The following CACNA1A variants were observed in gnomAD, a reference collection of about 807,000 sequenced individuals.
CACNA1A encodes voltage-dependent P/Q-type calcium channel subunit alpha-1A.
In CACNA1A, 57 loss-of-function variants were observed where a neutral mutation model predicts 262.4. The ratio of observed to expected loss-of-function variants is 0.22; its 90% CI spans 0.18 to 0.27. The LOEUF (loss-of-function observed/expected upper bound fraction) is 0.27. Ranked by LOEUF, CACNA1A falls within the 10% of genes least tolerant of loss-of-function variation. The pLI, the probability that CACNA1A is intolerant of heterozygous loss-of-function variation, is 1.00. For missense variants in CACNA1A, 2,526 were observed against 3,562.8 expected (o/e 0.71, Z 7.41); for synonymous variants, 1,431 against 1,419.3 (o/e 1.01, Z -0.18).
intron 3 of CACNA1A, among the ~76,000 whole-genome samples, chr19:13,393,617 CCTTT>C (rs1456269625): frequency 2.5e-4 from 35 of 139,284 alleles, no homozygotes; most frequent in Admixed American, 7.2e-4. Flanking sequence ...TTCCTTCCTT[CCTTT>C]TTTTCTTTCT....
At chr19:13,309,594 G>A (rs2057976117) in intron 12 of CACNA1A, among the ~76,000 whole-genome samples, 2 of 152,034 alleles carry the variant, frequency 1.3e-5, no homozygotes, top group Admixed American at 1.3e-4. Flanking sequence ...TTAGGAGGCT[G>A]AGGAGGGAGG....
intron 3 of CACNA1A, among the ~76,000 whole-genome samples, chr19:13,376,735 GAT>G (rs964226279): frequency 3.4e-5 from 5 of 145,348 alleles, no homozygotes; most frequent in South Asian, 2.1e-4. Flanking sequence ...TGTTATATAT[GAT>G]ATATATAACA....
intron 3 of CACNA1A, among the ~76,000 whole-genome samples, chr19:13,383,281 G>A (rs556093132): frequency 1.4e-4 from 21 of 152,208 alleles, no homozygotes; most frequent in Non-Finnish European, 2.8e-4. Context: ...TGGAAAGACT[G>A]AGTGTGGAGC....
intron 12 of CACNA1A, among the ~76,000 whole-genome samples, chr19:13,309,197 A>G (rs1014340664): frequency 6.6e-6 from 1 of 151,570 alleles, no homozygotes. Context: ...TTTAGTAGAG[A>G]CGGGGTTTCA....
intron 1 of CACNA1A, among the ~76,000 whole-genome samples, chr19:13,479,201 A>C (rs1978945315): frequency 6.6e-6 from 1 of 152,150 alleles, no homozygotes; most frequent in South Asian, 2.1e-4. Context: ...AAAACGAATA[A>C]AATCACCTTC....
intron 20 of CACNA1A, among the ~76,000 whole-genome samples, 162 bp from the exon 21 acceptor site, chr19:13,285,368 T>C (rs998685966): frequency 1.3e-5 from 2 of 152,130 alleles, no homozygotes; most frequent in African/African-American, 4.8e-5. Context: ...TGTATAGCCC[T>C]GAGGTTGATA....
At chr19:13,318,888 A>ATTTTTTTTTTTTTTTTTT (rs1600317762) in intron 10 of CACNA1A, among the ~76,000 whole-genome samples, 6 of 94,682 alleles carry the variant, frequency 6.3e-5, no homozygotes, top group African/African-American at 2.5e-4. Flanking sequence ...TCTAAAATAC[A>ATTTTTTTTTTTTTTTTTT]TCTTTTTTTT....
intron 1 of CACNA1A, among the ~76,000 whole-genome samples, chr19:13,494,502 A>C (rs1282919667): frequency 6.6e-6 from 1 of 152,202 alleles, no homozygotes; most frequent in African/African-American, 2.4e-5. Flanking sequence ...GGGCTGAGAC[A>C]GAATAGACAA....
At chr19:13,295,300 G>A (rs2057640598) in intron 19 of CACNA1A, among the ~76,000 whole-genome samples, 1 of 152,010 alleles carries the variant, frequency 6.6e-6, no homozygotes, top group Non-Finnish European at 1.5e-5. Context: ...ATGATTGAGG[G>A]GCACTGCAGG....
chr19:13,235,175 G>GACCA, intron 33 of CACNA1A, 34 bp downstream of exon 33: 1 of 1,604,762 alleles, frequency 6.2e-7, no homozygotes, highest in Non-Finnish European at 8.5e-7. Flanking sequence ...CCCTCCTTGG[G>GACCA]AGGCTCTGGG....
chr19:13,450,548 ACT>A (rs1272036649), intron 3 of CACNA1A: 1 of 151,878 alleles, frequency 6.6e-6, no homozygotes, highest in African/African-American at 2.4e-5. Context: ...CCATCAGTAG[ACT>A]CTCAGCTCCA....
At chr19:13,231,595 G>A in intron 35 of CACNA1A, 115 bp downstream of exon 35, 1 of 1,083,628 alleles carries the variant, frequency 9.2e-7, no homozygotes, top group Non-Finnish European at 1.3e-6. Flanking sequence ...CTGGTTCAGA[G>A]AAGCCTTGGA....
chr19:13,359,470 A>G, intron 6 of CACNA1A, 136 bp downstream of exon 6: 1 of 641,086 alleles, frequency 1.6e-6, no homozygotes, highest in East Asian at 2.8e-5. Context: ...GGCCAGCTTC[A>G]GTGGGGCTGT....
chr19:13,446,103 C>A (rs546580282), intron 3 of CACNA1A, among the ~76,000 whole-genome samples: 1 of 151,954 alleles, frequency 6.6e-6, no homozygotes, highest in African/African-American at 2.4e-5. Context: ...TGTGAAACCC[C>A]GTCTCTACTA....
intron 30 of CACNA1A, among the ~76,000 whole-genome samples, chr19:13,247,585 A>C (rs2144702123): frequency 6.6e-6 from 1 of 152,192 alleles, no homozygotes; most frequent in Non-Finnish European, 1.5e-5. Flanking sequence ...CTGTAGTCCC[A>C]GCTACTCCGG....
intron 2 of CACNA1A, among the ~76,000 whole-genome samples, chr19:13,454,671 C>A (rs543021902): frequency 1.3e-5 from 2 of 152,226 alleles, no homozygotes; most frequent in South Asian, 4.2e-4. Flanking sequence ...AGTGTCTGGC[C>A]AAGACATAAT....
chr19:13,214,603 C>A lies in CACNA1A; in HGVS notation c.5737G>T (p.Ala1913Ser). The part of the protein sequence containing the change: ...ALDIKIAKGG[A>S]DKQQMDAELR... ...TCAGCGTCCATCTGCTGTTTGTCGGCTCCTCCTGCAATGGGGGTGTAGACA... is the reference window on the plus strand; with the variant it reads ...TCAGCGTCCATCTGCTGTTTGTCGGATCCTCCTGCAATGGGGGTGTAGACA... The change falls in exon 39 of 47, where the codon GCC becomes TCC. Residue 1913 changes from alanine (A) to serine (S), a missense_variant. This residue lies in a region of CACNA1A where 112 missense variants were observed against 197.2 expected (regional missense o/e 0.57). Coordinates refer to ENST00000360228, the MANE Select transcript of CACNA1A (RefSeq NM_001127222.2). The surrounding 1 kb of genome is among the most constrained non-coding windows in gnomAD (Gnocchi z 4.1). 6.2e-7 allele frequency: 1 copy of A among 1,613,108 alleles called. No homozygotes were observed. Among genetic ancestry groups the A allele is most frequent in the South Asian group, 1.1e-5 (1 of 90,890 alleles).
chr19:13,281,515 T>G (rs565655224), intron 22 of CACNA1A, among the ~76,000 whole-genome samples: 1 of 151,994 alleles, frequency 6.6e-6, no homozygotes, highest in African/African-American at 2.4e-5. Context: ...TGGGTCTGGA[T>G]CATCCTCTAG....
At chr19:13,264,781 T>A (rs1039087335) in intron 24 of CACNA1A, among the ~76,000 whole-genome samples, 7 of 152,218 alleles carry the variant, frequency 4.6e-5, no homozygotes, top group African/African-American at 1.7e-4. Context: ...TCGGAGTTAA[T>A]CTTTGTTTGT....
Sources: gnomAD v4.1 joint callset for allele counts (sites outside exome capture counted in the v4.1 genomes callset) on GRCh38, gnomAD v4.1.1 for gene constraint, gnomAD v4.1.1 regional missense constraint, Gnocchi (gnomAD v3.1) non-coding constraint, MANE v1.5 for transcripts, NCBI Gene and HGNC (gene_info 2026-07-23, HGNC 2026-07-21) for gene names.